Variants in SPPL3 observed in about 807,000 individuals in gnomAD.
The protein encoded by SPPL3 is signal peptide peptidase like 3.
SPPL3 carries 5 observed loss-of-function variants against 42.4 expected under a neutral mutation model. The observed-to-expected ratio is 0.12, with a 90% CI of 0.06 to 0.25. SPPL3 has a LOEUF of 0.25. Ranked by LOEUF, SPPL3 falls within the 10% of genes least tolerant of loss-of-function variation. The probability of loss-of-function intolerance (pLI) is 1.00; values close to 1 mark genes in which losing one functional copy is unlikely to be tolerated. For synonymous variants in SPPL3, 195 were observed against 181.8 expected (o/e 1.07, Z -0.58); for missense variants, 235 against 489.0 (o/e 0.48, Z 4.90).
intron 1 of SPPL3, chr12:120,845,504 G>A: frequency 2.3e-6 from 1 of 437,012 alleles, no homozygotes; most frequent in Non-Finnish European, 4.4e-6. Flanking sequence ...CCACGTTGAA[G>A]CCTATGGTGG....
At position 120,763,001 on chromosome 12, in the gene SPPL3, A is replaced by AGG. The variant is rs1286899944; in HGVS notation, c.*1996_*1997dup. On this transcript the variant is annotated 3_prime_UTR_variant, in exon 11 of 11. Transcript: ENST00000353487. ...ATCCTCGAGGGCTGAGAAGGAAGGA[A>AGG]GGGAGAGTCCGCAAGTGGATTTTTA... The AGG allele has an allele frequency of 1.3e-5, 2 of 152,262 alleles. No individual in the cohort carries two copies. The highest frequency in any genetic ancestry group is 2.9e-5 in the Non-Finnish European group (2 of 68,114). 9.4% of individuals were successfully genotyped at this position (152,262 alleles called of 1,614,324 possible). A position where few individuals can be genotyped will look rare whatever the true frequency, so the allele number is the denominator to read the frequency against.
chr12:120,866,557 G>A (rs544394420), intron 1 of SPPL3, among the ~76,000 whole-genome samples: 2 of 152,166 alleles, frequency 1.3e-5, no homozygotes, highest in African/African-American at 4.8e-5. Flanking sequence ...AGTTTATCCT[G>A]AAAAAGGCAT....
Position 120,904,019 on chromosome 12 carries a change from G to A in SPPL3, c.-152C>T. 1 of 590,106 alleles carries A rather than the reference G, an allele frequency of 1.7e-6. No individual in the cohort carries two copies. The highest frequency in any genetic ancestry group is 2.4e-6 in the Non-Finnish European group (1 of 412,102). The allele number at this position is 590,106 out of a possible 1,614,324, so 36.6% of individuals were successfully genotyped here. A position where few individuals can be genotyped will look rare whatever the true frequency, so the allele number is the denominator to read the frequency against. ...TGGCTGCACGGCGGGCCGGGAAGGC[G>A]GCTGGCGGGGAGAGGCCGGGCTCCG... is the stretch of plus-strand genomic sequence containing the variant. On this transcript the variant is annotated 5_prime_UTR_variant, in exon 1 of 11. Transcript: ENST00000353487.
chr12:120,891,515 C>T (rs1326350239), intron 1 of SPPL3, among the ~76,000 whole-genome samples: 3 of 151,574 alleles, frequency 2.0e-5, no homozygotes, highest in Admixed American at 2.0e-4. Context: ...GAGAAAAAAA[C>T]GGCAAAATAA....
intron 1 of SPPL3, among the ~76,000 whole-genome samples, chr12:120,858,101 A>T (rs1328548006): frequency 6.6e-6 from 1 of 152,178 alleles, no homozygotes; most frequent in Non-Finnish European, 1.5e-5. Flanking sequence ...AAAACAATAA[A>T]AACATACCAG....
intron 1 of SPPL3, among the ~76,000 whole-genome samples, chr12:120,849,918 T>C (rs1872167924): frequency 6.6e-6 from 1 of 152,274 alleles, no homozygotes; most frequent in East Asian, 1.9e-4. Context: ...TGACAGGATG[T>C]TGACAAGGAC....
chr12:120,798,257 A>C (rs1017828449), intron 2 of SPPL3, among the ~76,000 whole-genome samples: 1 of 152,152 alleles, frequency 6.6e-6, no homozygotes, highest in Non-Finnish European at 1.5e-5. Flanking sequence ...TGGATTTTAG[A>C]AGATTCATAT....
intron 1 of SPPL3, among the ~76,000 whole-genome samples, chr12:120,851,993 G>C (rs1872239526): frequency 1.3e-5 from 2 of 152,178 alleles, no homozygotes; most frequent in Admixed American, 1.3e-4. Flanking sequence ...TCATCAAAAG[G>C]AATTTAGTGA....
At chr12:120,803,836 G>T (rs1311365393) in intron 2 of SPPL3, among the ~76,000 whole-genome samples, 7 of 152,108 alleles carry the variant, frequency 4.6e-5, no homozygotes, top group Non-Finnish European at 8.8e-5. Context: ...TTCTGTGTAT[G>T]ATGTTTTCTT....
intron 6 of SPPL3, among the ~76,000 whole-genome samples, chr12:120,772,708 T>C (rs1449993059): frequency 6.6e-6 from 1 of 152,176 alleles, no homozygotes; most frequent in African/African-American, 2.4e-5. Context: ...TAAATTACTG[T>C]TTCATGGGTT....
At chr12:120,843,711 GGGTGGCTGA>G (rs1205895394) in intron 1 of SPPL3, among the ~76,000 whole-genome samples, 2 of 152,140 alleles carry the variant, frequency 1.3e-5, no homozygotes, top group Non-Finnish European at 2.9e-5. Flanking sequence ...CCAGCACTCT[GGGTGGCTGA>G]GGTGGGTGGA....
At chr12:120,795,907 T>A (rs971191271) in intron 2 of SPPL3, among the ~76,000 whole-genome samples, 3 of 152,220 alleles carry the variant, frequency 2.0e-5, no homozygotes, top group African/African-American at 4.8e-5. Flanking sequence ...CTTTTCATGT[T>A]TAAAAAAATT....
At chr12:120,862,310 A>G (rs1446274674) in intron 1 of SPPL3, among the ~76,000 whole-genome samples, 1 of 152,212 alleles carries the variant, frequency 6.6e-6, no homozygotes, top group African/African-American at 2.4e-5. Flanking sequence ...ATTTTCCAAT[A>G]ATAATTAGAT....
chr12:120,827,250 C>T (rs1286624506), intron 1 of SPPL3, among the ~76,000 whole-genome samples: 1 of 151,272 alleles, frequency 6.6e-6, no homozygotes, highest in South Asian at 2.1e-4. Flanking sequence ...TCTTTAAAAA[C>T]TATCCAAGAA....
intron 2 of SPPL3, among the ~76,000 whole-genome samples, chr12:120,806,721 T>C (rs1200344461): frequency 6.6e-6 from 1 of 151,644 alleles, no homozygotes; most frequent in East Asian, 1.9e-4. Context: ...TGGTGACGGG[T>C]GCCTAGTTCC....
At chr12:120,839,674 T>C (rs577642208) in intron 1 of SPPL3, among the ~76,000 whole-genome samples, 1 of 152,306 alleles carries the variant, frequency 6.6e-6, no homozygotes, top group South Asian at 2.1e-4. Context: ...ACACATTCTT[T>C]CACTGGACTA....
At chr12:120,826,961 G>A (rs1336802094) in intron 1 of SPPL3, among the ~76,000 whole-genome samples, 3 of 151,994 alleles carry the variant, frequency 2.0e-5, no homozygotes, top group Non-Finnish European at 1.5e-5. Flanking sequence ...TCATATACTG[G>A]AAGAGGTTAT....
At position 120,767,387 on chromosome 12, in the gene SPPL3, C is replaced by T; in HGVS notation, c.973+7G>A. On this transcript the variant is annotated splice_region_variant and intron_variant, in intron 9 of 10. Coordinates refer to ENST00000353487, the MANE Select transcript of SPPL3 (RefSeq NM_139015.5). ...AGGATCATCTGCAGTCTCTCTGGTTCTCTTACCTACAAAGTATCCGATGAG... is the reference window on the plus strand; with the variant it reads ...AGGATCATCTGCAGTCTCTCTGGTTTTCTTACCTACAAAGTATCCGATGAG... 1 of 1,611,086 alleles carries T rather than the reference C, an allele frequency of 6.2e-7. No homozygotes were observed. The highest frequency in any genetic ancestry group is 8.5e-7 in the Non-Finnish European group (1 of 1,179,872).
intron 1 of SPPL3, chr12:120,901,957 C>G: frequency 1.0e-6 from 1 of 985,208 alleles, no homozygotes. Flanking sequence ...CTCTGTACAG[C>G]ACAGTAAAAA....
Sources: gnomAD v4.1 joint callset for allele counts (sites outside exome capture counted in the v4.1 genomes callset) on GRCh38, gnomAD v4.1.1 for gene constraint, MANE v1.5 for transcripts, NCBI Gene and HGNC (gene_info 2026-07-23, HGNC 2026-07-21) for gene names.